Variants in ENTPD1 observed in about 807,000 individuals in gnomAD.
The protein encoded by ENTPD1 is ATP diphosphohydrolase.
In ENTPD1, 33 loss-of-function variants were observed where a neutral mutation model predicts 57.0. That is an observed-to-expected ratio of 0.58 (90% CI 0.44 to 0.77). ENTPD1 has a LOEUF of 0.77. Among genes scored for constraint, ENTPD1 ranks in the 30% least tolerant of loss-of-function variants. ENTPD1 has a pLI of 0.00. For synonymous variants in ENTPD1, 202 were observed against 218.8 expected (o/e 0.92, Z 0.68); for missense variants, 501 against 603.4 (o/e 0.83, Z 1.78).
chr10:95,834,698 T>C (rs2098405324), intron 2 of ENTPD1, among the ~76,000 whole-genome samples: 1 of 152,184 alleles, frequency 6.6e-6, no homozygotes. Context: ...GCCCCATATC[T>C]ATACGGCCTC....
Position 95,870,066 on chromosome 10 carries a change from A to G in ENTPD1, c.*3683A>G, listed in dbSNP as rs1345864849. 2 of 985,184 alleles carry G rather than the reference A, an allele frequency of 2.0e-6. No individual in the cohort carries two copies. The highest frequency in any genetic ancestry group is 2.4e-6 in the Non-Finnish European group (2 of 829,860). The allele number at this position is 985,184 out of a possible 1,614,324, so 61.0% of individuals were successfully genotyped here. On this transcript the variant is annotated 3_prime_UTR_variant, in exon 10 of 10. Transcript: ENST00000371205. ...CTATAGATGCTGTAACATTCTTGCTATTATTTATTATATATGACATTATTC... is the reference window on the plus strand; with the variant it reads ...CTATAGATGCTGTAACATTCTTGCTGTTATTTATTATATATGACATTATTC...
At chr10:95,732,565 A>G (rs567868925) in intron 1 of ENTPD1, among the ~76,000 whole-genome samples, 6 of 152,284 alleles carry the variant, frequency 3.9e-5, no homozygotes, top group African/African-American at 1.4e-4. Context: ...CATGTTAGGT[A>G]TTTTAGGAAA....
At chr10:95,855,501 C>T (rs906923570) in intron 7 of ENTPD1, among the ~76,000 whole-genome samples, 9 of 152,110 alleles carry the variant, frequency 5.9e-5, no homozygotes, top group Admixed American at 3.9e-4. Flanking sequence ...GGTTATTTTG[C>T]TCGTTAGTTG....
chr10:95,814,591 A>C (rs780618368), intron 1 of ENTPD1, among the ~76,000 whole-genome samples: 1 of 152,078 alleles, frequency 6.6e-6, no homozygotes, highest in Non-Finnish European at 1.5e-5. Context: ...GATGTCACCA[A>C]ATAGGCTCTC....
chr10:95,717,216 C>T (rs1013883421), intron 1 of ENTPD1, among the ~76,000 whole-genome samples: 2 of 152,184 alleles, frequency 1.3e-5, no homozygotes, highest in African/African-American at 4.8e-5. Context: ...TTTAAGTAAG[C>T]TACAATCCCA....
At chr10:95,827,663 T>G (rs914942431) in intron 2 of ENTPD1, among the ~76,000 whole-genome samples, 60 of 152,160 alleles carry the variant, frequency 3.9e-4, no homozygotes, top group African/African-American at 1.4e-3. Flanking sequence ...TTTTTGTATT[T>G]AGTAGAGACG....
At chr10:95,856,982 T>G (rs1018788370) in intron 7 of ENTPD1, among the ~76,000 whole-genome samples, 1 of 152,094 alleles carries the variant, frequency 6.6e-6, no homozygotes, top group Non-Finnish European at 1.5e-5. Context: ...TAACTTGTAT[T>G]ATTTAAATTC....
intron 1 of ENTPD1, among the ~76,000 whole-genome samples, chr10:95,718,499 C>CCTAGAGAAACCT (rs1285596041): frequency 1.3e-5 from 2 of 152,220 alleles, no homozygotes; most frequent in East Asian, 3.9e-4. Context: ...TTTCTCTGTA[C>CCTAGAGAAACCT]AGCCAAGAAT....
intron 1 of ENTPD1, among the ~76,000 whole-genome samples, chr10:95,721,291 T>C (rs1275793788): frequency 3.9e-5 from 6 of 152,332 alleles, no homozygotes; most frequent in Non-Finnish European, 8.8e-5. Context: ...CCAATCTCCA[T>C]GTTCTGATTC....
At chr10:95,776,067 AG>A (rs763575105) in intron 1 of ENTPD1, among the ~76,000 whole-genome samples, 9 of 152,318 alleles carry the variant, frequency 5.9e-5, no homozygotes, top group Admixed American at 3.9e-4. Flanking sequence ...TGAATACAGC[AG>A]ACTGATGGGT....
At chr10:95,823,177 G>T (rs937342069) in intron 1 of ENTPD1, 60 bp from the exon 2 acceptor site, 1 of 1,607,078 alleles carries the variant, frequency 6.2e-7, no homozygotes. Context: ...ACAGAAAGGG[G>T]AGGAAAATCA....
chr10:95,799,109 G>C (rs893329761), intron 1 of ENTPD1, among the ~76,000 whole-genome samples: 3 of 152,158 alleles, frequency 2.0e-5, no homozygotes, highest in African/African-American at 7.2e-5. Flanking sequence ...GATGTGTAAG[G>C]CATAATACCC....
At chr10:95,861,971 G>A (rs915586448) in intron 8 of ENTPD1, among the ~76,000 whole-genome samples, 8 of 151,712 alleles carry the variant, frequency 5.3e-5, no homozygotes, top group Non-Finnish European at 1.0e-4. Context: ...ACTCCAGCCT[G>A]GGTGACAGAG....
At position 95,871,413 on chromosome 10, in the gene ENTPD1, G is replaced by A. The variant is rs1021465344; in HGVS notation, c.*5030G>A. 28 of 985,232 alleles carry A rather than the reference G, an allele frequency of 2.8e-5. No individual in the cohort carries two copies. Among genetic ancestry groups the A allele is most frequent in the Admixed American group, 1.2e-4 (2 of 16,260 alleles). The allele number at this position is 985,232 out of a possible 1,614,324, so 61.0% of individuals were successfully genotyped here. A position where few individuals can be genotyped will look rare whatever the true frequency, so the allele number is the denominator to read the frequency against. Reference sequence around the variant, plus strand: ...CTGTGGCAGCTCCCACATTAGCCTCGCATTCTAAACTGGTAGATGTCCTAG... The same window carrying A: ...CTGTGGCAGCTCCCACATTAGCCTCACATTCTAAACTGGTAGATGTCCTAG... On this transcript the variant is annotated 3_prime_UTR_variant, in exon 10 of 10. Transcript: ENST00000371205.
At chr10:95,716,641 G>C (rs1401910147) in intron 1 of ENTPD1, among the ~76,000 whole-genome samples, 1 of 151,954 alleles carries the variant, frequency 6.6e-6, no homozygotes, top group Non-Finnish European at 1.5e-5. Flanking sequence ...GCTTGCCACT[G>C]TCATGTGTGC....
intron 1 of ENTPD1, among the ~76,000 whole-genome samples, chr10:95,745,323 T>C (rs962999584): frequency 6.6e-6 from 1 of 152,146 alleles, no homozygotes; most frequent in African/African-American, 2.4e-5. Flanking sequence ...AGATGGGATA[T>C]AGACATGAGC....
intron 1 of ENTPD1, among the ~76,000 whole-genome samples, chr10:95,736,614 A>C (rs1239012732): frequency 6.6e-6 from 1 of 151,976 alleles, no homozygotes. Flanking sequence ...GGTTGCACGC[A>C]CACCCCTTCA....
intron 1 of ENTPD1, among the ~76,000 whole-genome samples, chr10:95,780,733 G>A (rs913329637): frequency 1.3e-5 from 2 of 152,208 alleles, no homozygotes; most frequent in African/African-American, 4.8e-5. Context: ...TTGATCCTAG[G>A]TGTGGGGTCC....
In ENTPD1 at chr10:95,867,471, AT is replaced by A; in HGVS notation, c.*1093del. The stretch of plus-strand genomic sequence containing the variant: ...GAGTTTTAAAGCCAAGCCACATCTT[AT>A]TTTTCCAAGGTTTAATTTAGTGAGA... On this transcript the variant is annotated 3_prime_UTR_variant, in exon 10 of 10. Transcript: ENST00000371205. 1 of 985,348 alleles carries A rather than the reference AT, an allele frequency of 1.0e-6. No homozygotes were observed. The highest frequency in any genetic ancestry group is 1.2e-6 in the Non-Finnish European group (1 of 829,912). The allele number at this position is 985,348 out of a possible 1,614,324, so 61.0% of individuals were successfully genotyped here. A position where few individuals can be genotyped will look rare whatever the true frequency, so the allele number is the denominator to read the frequency against.
Sources: gnomAD v4.1 joint callset for allele counts (sites outside exome capture counted in the v4.1 genomes callset) on GRCh38, gnomAD v4.1.1 for gene constraint, MANE v1.5 for transcripts, NCBI Gene and HGNC (gene_info 2026-07-23, HGNC 2026-07-21) for gene names.